SMARCA2: variants seen among roughly 807,000 people sequenced by gnomAD.
SMARCA2 encodes the protein SWI/SNF-related matrix-associated actin-dependent regulator of chromatin subfamily A member 2.
A neutral mutation model predicts 199.8 loss-of-function variants in SMARCA2; 61 were observed. The observed-to-expected ratio is 0.31, with a 90% CI of 0.25 to 0.38. The LOEUF is 0.38. Among genes scored for constraint, SMARCA2 ranks in the 10% least tolerant of loss-of-function variants. SMARCA2 has a pLI of 1.00. For missense variants in SMARCA2, 1,344 were observed against 2,012.2 expected, an observed-to-expected ratio of 0.67 and a Z score of 6.35; for synonymous variants, 935 against 732.0, an observed-to-expected ratio of 1.28 and a Z score of -4.48.
rs189915041 is a variant in SMARCA2, at chr9:2,030,041, A to G, written c.225+794A>G. Among the ~76,000 whole-genome samples the G allele has an allele frequency of 2.0e-3, 311 of 152,352 alleles. 1 individual carries two copies. The highest frequency in any genetic ancestry group is 3.2e-3 in the Non-Finnish European group (217 of 68,044). On this transcript the variant is annotated intron_variant, in intron 2 of 33. Transcript: ENST00000349721. ...CAAGAAAAATCTATGAGGACATTAC[A>G]TACTACCTGAAGGTTTTGCCTAATG...
intron 29 of SMARCA2, among the ~76,000 whole-genome samples, chr9:2,174,185 G>C (rs936255787): frequency 3.3e-5 from 5 of 152,080 alleles, no homozygotes; most frequent in African/African-American, 9.7e-5. Flanking sequence ...TGCCTCTCAA[G>C]CTCCAGGCCA....
chr9:2,157,242 A>G (rs1303234172), intron 27 of SMARCA2, among the ~76,000 whole-genome samples: 1 of 152,088 alleles, frequency 6.6e-6, no homozygotes, highest in Admixed American at 6.6e-5. Flanking sequence ...TGTTTGGGGG[A>G]TCATTACTGT....
In SMARCA2 at chr9:2,060,857, G is replaced by C; in HGVS notation, c.1563G>C (p.Lys521Asn). ...EEGYRKLIDQ[K>N]KDRRLAYLLQ... ...GTTATAGAAAACTGATTGATCAAAAGAAAGACAGGCGTTTAGCTTACCTTT... is the reference window on the plus strand; with the variant it reads ...GTTATAGAAAACTGATTGATCAAAACAAAGACAGGCGTTTAGCTTACCTTT... The change falls in exon 9 of 34, where the codon AAG becomes AAC. Residue 521 changes from lysine to asparagine, a missense_variant. Lys to Asn is a moderately conservative substitution (Grantham distance 94). Around this residue, in one of 18 missense-constraint regions of SMARCA2, gnomAD observed 4 missense variants for 35.9 expected, o/e 0.11. Coordinates refer to ENST00000349721, the MANE Select transcript of SMARCA2 (RefSeq NM_003070.5). 1 of 1,614,120 alleles carries C rather than the reference G, an allele frequency of 6.2e-7. No homozygotes were observed. Among genetic ancestry groups the C allele is most frequent in the Non-Finnish European group, 8.5e-7 (1 of 1,179,960 alleles).
At chr9:2,058,015 G>C (rs532548207) in intron 7 of SMARCA2, 3 of 253,290 alleles carry the variant, frequency 1.2e-5, no homozygotes, top group Non-Finnish European at 2.3e-5. Flanking sequence ...TTCAGTCTTC[G>C]ATCTTTCCAT....
chr9:2,032,965 T>C lies in SMARCA2; in HGVS notation c.239T>C (p.Ile80Thr). Residue 80 changes from isoleucine to threonine, a missense_variant, in exon 3 of 34, where the codon ATA (isoleucine) becomes ACA (threonine). Around this residue, in one of 18 missense-constraint regions of SMARCA2, gnomAD observed 275 missense variants for 247.5 expected, o/e 1.11. Transcript: ENST00000349721. ...MHQMHKPIDG[I>T]HDKGIVEDIH... ...TAAATGTTTCAGCCCATCGATGGTA[T>C]ACATGACAAGGGGATTGTAGAAGAC... 1.9e-6 allele frequency: 3 copies of C among 1,613,898 alleles called. No homozygotes were observed. Among genetic ancestry groups the C allele is most frequent in the Non-Finnish European group, 2.5e-6 (3 of 1,179,802 alleles).
chr9:2,021,452 G>C (rs1339910553), intron 1 of SMARCA2, among the ~76,000 whole-genome samples: 1 of 152,134 alleles, frequency 6.6e-6, no homozygotes, highest in Non-Finnish European at 1.5e-5. Context: ...TATTTTTCTG[G>C]TTCAGGATGA....
chr9:2,111,583 T>A (rs1455716132), intron 24 of SMARCA2, among the ~76,000 whole-genome samples: 2 of 151,942 alleles, frequency 1.3e-5, no homozygotes, highest in African/African-American at 4.8e-5. Context: ...AGGCTCCTCG[T>A]TGAGCCCTGG....
intron 33 of SMARCA2, 151 bp downstream of exon 33, chr9:2,191,559 A>G (rs1252603923): frequency 1.2e-6 from 1 of 817,916 alleles, no homozygotes; most frequent in African/African-American, 1.7e-5. Context: ...AGGGATGTGA[A>G]CGGAGCTGTA....
chr9:2,032,845 G>A lies in SMARCA2; in HGVS notation c.226-107G>A, dbSNP rs1112534. Reference sequence around the variant, plus strand: ...TTTTTTAACTCTAGAATGGGTAGTAGATGATAGTGCCACACTTTTAAAGAA... The same window carrying A: ...TTTTTTAACTCTAGAATGGGTAGTAAATGATAGTGCCACACTTTTAAAGAA... On this transcript the variant is annotated intron_variant, in intron 2 of 33. Transcript: ENST00000349721. 202,156 of 974,010 alleles carry A rather than the reference G, an allele frequency of 0.21. 22,322 individuals are homozygous for A. Among genetic ancestry groups the A allele is most frequent in the East Asian group, 0.33 (13,060 of 39,416 alleles). The allele number at this position is 974,010 out of a possible 1,614,324, so 60.3% of individuals were successfully genotyped here. A position where few individuals can be genotyped will look rare whatever the true frequency, so the allele number is the denominator to read the frequency against.
chr9:2,141,988 G>C (rs965262811), intron 27 of SMARCA2, among the ~76,000 whole-genome samples: 2 of 152,142 alleles, frequency 1.3e-5, no homozygotes, highest in African/African-American at 2.4e-5. Flanking sequence ...AGACCTGCCC[G>C]TGAAGGCTGT....
rs553966059 is a variant in SMARCA2 at position 2,170,622 on chromosome 9, T to C, written c.4253+150T>C. The C allele has an allele frequency of 4.6e-6, 6 of 1,318,098 alleles. No homozygotes were observed. Among genetic ancestry groups the C allele is most frequent in the East Asian group, 4.8e-5 (2 of 41,562 alleles). The allele number at this position is 1,318,098 out of a possible 1,614,324, so 81.7% of individuals were successfully genotyped here. A position where few individuals can be genotyped will look rare whatever the true frequency, so the allele number is the denominator to read the frequency against. ...TTGGAGAGCGGGATAGAGGCACAGATACTCTTAAACAGCTGTCATGGCTTC... is the reference window on the plus strand; with the variant it reads ...TTGGAGAGCGGGATAGAGGCACAGACACTCTTAAACAGCTGTCATGGCTTC... On this transcript the variant is annotated intron_variant, in intron 29 of 33. Transcript: ENST00000349721. The surrounding 1 kb of genome is among the most constrained non-coding windows in gnomAD (Gnocchi z 4.7).
At chr9:2,159,733 A>T in intron 27 of SMARCA2, 1 of 1,518,238 alleles carries the variant, frequency 6.6e-7, no homozygotes, top group South Asian at 1.2e-5. Flanking sequence ...CAATCCTTTC[A>T]GTATTAAATT....
chr9:2,100,042 C>A (rs916139117), intron 21 of SMARCA2, among the ~76,000 whole-genome samples: 1 of 152,110 alleles, frequency 6.6e-6, no homozygotes, highest in African/African-American at 2.4e-5. Context: ...TTTGAGAGTA[C>A]TGTTGAGCCC....
chr9:2,108,592 T>A (rs573859958), intron 23 of SMARCA2, among the ~76,000 whole-genome samples: 1 of 152,180 alleles, frequency 6.6e-6, no homozygotes, highest in African/African-American at 2.4e-5. Flanking sequence ...TTAGAAGAAA[T>A]TTTTGGTTTC....
intron 14 of SMARCA2, 52 bp from the exon 15 acceptor site, chr9:2,081,780 T>A: frequency 6.4e-7 from 1 of 1,556,224 alleles, no homozygotes; most frequent in Non-Finnish European, 8.8e-7. Context: ...TGTATTAGGA[T>A]TAATTACCTG....
chr9:2,036,434 C>T (rs1412227617), intron 3 of SMARCA2, among the ~76,000 whole-genome samples: 1 of 152,026 alleles, frequency 6.6e-6, no homozygotes, highest in Non-Finnish European at 1.5e-5. Context: ...TCCTACAGAC[C>T]AATGTATATT....
chr9:2,079,378 G>A (rs1036195550), intron 14 of SMARCA2, among the ~76,000 whole-genome samples: 6 of 152,172 alleles, frequency 3.9e-5, no homozygotes, highest in Admixed American at 2.6e-4. Context: ...TGTTGGCATC[G>A]GGTCCTCTCT....
intron 19 of SMARCA2, among the ~76,000 whole-genome samples, chr9:2,090,718 T>G (rs12375895): frequency 0.093 from 14,102 of 152,254 alleles, 846 homozygotes; most frequent in Middle Eastern, 0.18. Context: ...TTTCTCGCTG[T>G]TCTCTTGTCT....
chr9:2,072,505 C>T (rs909199912), intron 10 of SMARCA2, among the ~76,000 whole-genome samples: 2 of 152,016 alleles, frequency 1.3e-5, no homozygotes, highest in Admixed American at 6.5e-5. Flanking sequence ...GGGTTAGACC[C>T]CTGGGGGGTT....
Sources: allele counts gnomAD v4.1 joint callset (sites outside exome capture counted in the v4.1 genomes callset), GRCh38; gene constraint gnomAD v4.1.1; regional missense constraint gnomAD v4.1.1; non-coding constraint Gnocchi (gnomAD v3.1); transcripts MANE v1.5; gene names NCBI Gene and HGNC (gene_info 2026-07-23, HGNC 2026-07-21).